LRRK2: variants seen among roughly 807,000 people sequenced by gnomAD.
LRRK2 encodes leucine-rich repeat serine/threonine-protein kinase 2.
A neutral mutation model predicts 302.6 loss-of-function variants in LRRK2; 203 were observed. The ratio of observed to expected loss-of-function variants is 0.67; its 90% CI spans 0.60 to 0.75. LRRK2 has a LOEUF of 0.75. Among genes scored for constraint, LRRK2 ranks in the 30% least tolerant of loss-of-function variants. The pLI is 0.00. For synonymous variants in LRRK2, 1,066 were observed against 1,031.9 expected, an observed-to-expected ratio of 1.03 and a Z score of -0.63; for missense variants, 2,830 against 2,951.0, an observed-to-expected ratio of 0.96 and a Z score of 0.95.
chr12:40,294,936 T>C, intron 22 of LRRK2, 22 bp downstream of exon 22: 1 of 1,377,286 alleles, frequency 7.3e-7, no homozygotes, highest in Non-Finnish European at 1.0e-6. Context: ...GATGTAATCA[T>C]AAGTAAATAG....
At position 40,225,582 on chromosome 12, in the gene LRRK2, T is replaced by C; in HGVS notation, c.179T>C (p.Ile60Thr). 1.2e-6 allele frequency: 2 copies of C among 1,614,138 alleles called. No individual in the cohort carries two copies. Among genetic ancestry groups the C allele is most frequent in the African/African-American group, 1.3e-5 (1 of 75,056 alleles). Reference sequence around the variant, plus strand: ...TCCAAGTTATTTCAAGGCAAAAATATCCATGTGCCTCTGTTGATCGTCTTG... The same window carrying C: ...TCCAAGTTATTTCAAGGCAAAAATACCCATGTGCCTCTGTTGATCGTCTTG... ...RASKLFQGKN[I>T]HVPLLIVLDS... Residue 60 changes from isoleucine to threonine, a missense_variant, in exon 2 of 51, where the codon ATC becomes ACC. By Grantham distance (89) the Ile-to-Thr change is moderately conservative. Around this residue, in one of 3 missense-constraint regions of LRRK2, gnomAD observed 2,121 missense variants for 2,148.0 expected, o/e 0.99. Transcript: ENST00000298910.
chr12:40,302,041 G>A lies in LRRK2; in HGVS notation c.3497-748G>A, dbSNP rs149718419. 2.7e-3 allele frequency among the ~76,000 whole-genome samples: 408 copies of A among 152,150 alleles called. 18 individuals carry two copies. The East Asian group carries it at 0.071, about 27-fold the overall frequency. On this transcript the variant is annotated intron_variant, in intron 25 of 50. Transcript: ENST00000298910. ...AAAATACAGAAAATTAGCTGGACAT[G>A]ATGGCACCTGCCTGTAATCCCAGCT...
At chr12:40,263,530 C>T (rs1224425684) in intron 13 of LRRK2, among the ~76,000 whole-genome samples, 1 of 152,130 alleles carries the variant, frequency 6.6e-6, no homozygotes, top group Non-Finnish European at 1.5e-5. Context: ...CAGAAAATTT[C>T]TTCACCATCG....
intron 13 of LRRK2, among the ~76,000 whole-genome samples, chr12:40,260,344 A>G (rs1355120057): frequency 6.6e-6 from 1 of 151,864 alleles, no homozygotes; most frequent in African/African-American, 2.4e-5. Context: ...GAGAATATCG[A>G]TGGAGGCACA....
chr12:40,348,264 T>G, intron 42 of LRRK2, 145 bp from the exon 43 acceptor site: 1 of 624,550 alleles, frequency 1.6e-6, no homozygotes, highest in Non-Finnish European at 2.8e-6. Flanking sequence ...TAGCTTTAAT[T>G]TTGTGACAAG....
intron 13 of LRRK2, among the ~76,000 whole-genome samples, chr12:40,262,200 A>G (rs1403858108): frequency 2.0e-5 from 3 of 152,198 alleles, no homozygotes; most frequent in East Asian, 3.8e-4. Context: ...ATTCAAATCT[A>G]CTTACTTATA....
In LRRK2 at chr12:40,251,375, G is replaced by T; in HGVS notation, c.1101+1G>T. On this transcript the variant is annotated splice_donor_variant, in intron 9 of 50. Coordinates refer to ENST00000298910, the MANE Select transcript of LRRK2 (RefSeq NM_198578.4). LOFTEE classifies it high-confidence loss of function. ...GCATAGAAAGAACAAGCACGTGCAGGTAGGACTCTCATAAATATTAGAGTT... is the reference window on the plus strand; with the variant it reads ...GCATAGAAAGAACAAGCACGTGCAGTTAGGACTCTCATAAATATTAGAGTT... 1 of 1,613,818 alleles carries T rather than the reference G, an allele frequency of 6.2e-7. No homozygotes were observed.
chr12:40,245,416 C>A (rs541571675), intron 7 of LRRK2, among the ~76,000 whole-genome samples: 1 of 152,216 alleles, frequency 6.6e-6, no homozygotes, highest in Admixed American at 6.6e-5. Flanking sequence ...AGATTTAAAT[C>A]TGATGTTAAA....
intron 10 of LRRK2, among the ~76,000 whole-genome samples, 174 bp downstream of exon 10, chr12:40,251,718 C>T (rs1010272196): frequency 1.3e-5 from 2 of 152,172 alleles, no homozygotes; most frequent in African/African-American, 4.8e-5. Flanking sequence ...TCATCACCTT[C>T]AGGAGTTAGA....
At chr12:40,301,666 C>A (rs1157153619) in intron 25 of LRRK2, among the ~76,000 whole-genome samples, 1 of 152,078 alleles carries the variant, frequency 6.6e-6, no homozygotes, top group African/African-American at 2.4e-5. Flanking sequence ...TAAAGAATAA[C>A]CCATATTTTT....
At chr12:40,267,280 C>G (rs998130231) in intron 14 of LRRK2, among the ~76,000 whole-genome samples, 3 of 152,316 alleles carry the variant, frequency 2.0e-5, no homozygotes, top group African/African-American at 7.2e-5. Flanking sequence ...GACATGGTTA[C>G]TTCCTTTTAA....
chr12:40,246,112 T>A (rs1243628600), intron 7 of LRRK2, among the ~76,000 whole-genome samples: 1 of 151,986 alleles, frequency 6.6e-6, no homozygotes, highest in Admixed American at 6.6e-5. Context: ...TTAAAAAAAA[T>A]TTTGTTAAGA....
chr12:40,256,783 A>G (rs942780808), intron 11 of LRRK2, among the ~76,000 whole-genome samples: 3 of 152,240 alleles, frequency 2.0e-5, no homozygotes, highest in African/African-American at 7.2e-5. Flanking sequence ...ATACCTCCAC[A>G]TGCTTATAAC....
At chr12:40,282,546 A>C (rs1943754338) in intron 18 of LRRK2, among the ~76,000 whole-genome samples, 1 of 152,178 alleles carries the variant, frequency 6.6e-6, no homozygotes, top group South Asian at 2.1e-4. Flanking sequence ...AGAGGAAGGC[A>C]TTTGGGGTAA....
At position 40,278,181 on chromosome 12, in the gene LRRK2, A is replaced by G; in HGVS notation, c.2161A>G (p.Asn721Asp). 6.2e-7 allele frequency: 1 copy of G among 1,614,128 alleles called. No homozygotes were observed. Among genetic ancestry groups the G allele is most frequent in the Non-Finnish European group, 8.5e-7 (1 of 1,179,992 alleles). ...GCTAGAGAGAGCGTGTGATCAGAAT[A>G]ACAGCATCATGGTTGAATGCTTGCT... ...VMLERACDQN[N>D]SIMVECLLLL... The change falls in exon 18 of 51, where the codon AAC (asparagine) becomes GAC (aspartate). Residue 721 changes from asparagine to aspartate, a missense_variant. Asn to Asp is a conservative substitution (Grantham distance 23). Coordinates refer to ENST00000298910, the MANE Select transcript of LRRK2 (RefSeq NM_198578.4).
At position 40,367,982 on chromosome 12, in the gene LRRK2, T is replaced by C; in HGVS notation, c.*217T>C. Reference sequence around the variant, plus strand: ...TTAAAACACAATGTTATATTTCTTATAAATACCAGTTACTTTCGTTCATTA... The same window carrying C: ...TTAAAACACAATGTTATATTTCTTACAAATACCAGTTACTTTCGTTCATTA... On this transcript the variant is annotated 3_prime_UTR_variant, in exon 51 of 51. Coordinates refer to ENST00000298910, the MANE Select transcript of LRRK2 (RefSeq NM_198578.4). 1 of 302,342 alleles carries C rather than the reference T, an allele frequency of 3.3e-6. No homozygotes were observed. The highest frequency in any genetic ancestry group is 6.0e-6 in the Non-Finnish European group (1 of 166,084). The allele number at this position is 302,342 out of a possible 1,614,324, so 18.7% of individuals were successfully genotyped here.
rs371284884 is a variant in LRRK2 at position 40,351,582 on chromosome 12, G to A, written c.6425G>A (p.Arg2142Lys). ...LNSAELVCLT[R>K]RILLPKNVIV... is the part of the protein sequence containing the mutation. ...TCAGCTGAATTAGTCTGTCTGACGA[G>A]ACGCATTTTATTACCTAAAAACGTA... Residue 2142 changes from arginine (R) to lysine (K), a missense_variant, in exon 44 of 51, where the codon AGA becomes AAA. By Grantham distance (26) the Arg-to-Lys change is conservative. Around this residue, in one of 3 missense-constraint regions of LRRK2, gnomAD observed 456 missense variants for 456.3 expected, o/e 1.00. Coordinates refer to ENST00000298910, the MANE Select transcript of LRRK2 (RefSeq NM_198578.4). The A allele has an allele frequency of 2.5e-6, 4 of 1,613,990 alleles. No homozygotes were observed. The African/African-American group carries it at 5.3e-5, about 22-fold the overall frequency.
At chr12:40,344,839 T>G in intron 41 of LRRK2, among the ~76,000 whole-genome samples, 1 of 152,136 alleles carries the variant, frequency 6.6e-6, no homozygotes, top group Non-Finnish European at 1.5e-5. Flanking sequence ...CAATATAGTA[T>G]GTAAATTATG....
chr12:40,239,859 C>T (rs1941649639), intron 5 of LRRK2, among the ~76,000 whole-genome samples: 1 of 152,146 alleles, frequency 6.6e-6, no homozygotes, highest in Non-Finnish European at 1.5e-5. Flanking sequence ...GCGCCATTCT[C>T]AAGCTAGATA....
Sources: gnomAD v4.1 joint callset for allele counts (sites outside exome capture counted in the v4.1 genomes callset) on GRCh38, gnomAD v4.1.1 for gene constraint, gnomAD v4.1.1 regional missense constraint, MANE v1.5 for transcripts, NCBI Gene and HGNC (gene_info 2026-07-23, HGNC 2026-07-21) for gene names.